Variants in KRABD3 observed in about 807,000 individuals in gnomAD.
The protein encoded by KRABD3 is KRAB domain-containing protein 3.
chr7:149,721,989 T>C, the KRABD3 span: 1 of 369,042 alleles, frequency 2.7e-6, no homozygotes, highest in Admixed American at 4.1e-5. Context: ...TCTGTTTTTA[T>C]AAAAAAGTAC....
At chr7:149,722,461 C>T in the KRABD3 span, 98 of 1,608,164 alleles carry the variant, frequency 6.1e-5, 4 homozygotes, top group South Asian at 1.0e-3. Context: ...AAGGAAGGCC[C>T]AGGAGCCCTG....
chr7:149,722,575 G>A, the KRABD3 span: 1 of 1,586,712 alleles, frequency 6.3e-7, no homozygotes, highest in South Asian at 1.1e-5. Context: ...GCTTTCCTTA[G>A]TGGGGTAGCG....
At chr7:149,733,477 C>T in the KRABD3 span, 4 of 1,579,694 alleles carry the variant, frequency 2.5e-6, no homozygotes, top group South Asian at 3.4e-5. Flanking sequence ...TGGGGAGGCG[C>T]CCCCAAGGCC....
chr7:149,733,988 G>A, the KRABD3 span: 1 of 1,610,234 alleles, frequency 6.2e-7, no homozygotes, highest in African/African-American at 1.3e-5. Context: ...AGTGCAGAGG[G>A]CCCTCCAGGA....
At chr7:149,726,073 A>T in the KRABD3 span, 3 of 1,603,600 alleles carry the variant, frequency 1.9e-6, no homozygotes, top group Non-Finnish European at 2.6e-6. Flanking sequence ...GAGCTGGGCC[A>T]GCCCGAGGCT....
At chr7:149,733,712 C>T in the KRABD3 span, 17 of 1,581,676 alleles carry the variant, frequency 1.1e-5, no homozygotes, top group Admixed American at 3.0e-4. Flanking sequence ...AGACGCTCCC[C>T]CGGCAGAACC....
chr7:149,722,907 G>T, the KRABD3 span: 2 of 1,613,228 alleles, frequency 1.2e-6, no homozygotes, highest in South Asian at 1.1e-5. Flanking sequence ...GCCTGGGCAC[G>T]TCCAGGCTAA....
At chr7:149,728,491 C>A in the KRABD3 span, 1 of 1,608,784 alleles carries the variant, frequency 6.2e-7, no homozygotes, top group Middle Eastern at 1.7e-4. Context: ...GAGCTACAGT[C>A]CCCCTCATCT....
the KRABD3 span, chr7:149,723,844 C>G: frequency 1.2e-6 from 2 of 1,613,758 alleles, no homozygotes. Flanking sequence ...AGTGGGGAAC[C>G]GACGGCTACA....
chr7:149,734,304 T>A, the KRABD3 span: 1 of 510,868 alleles, frequency 2.0e-6, no homozygotes, highest in African/African-American at 1.9e-5. Flanking sequence ...TCTCCTGTCT[T>A]TCCCACTGGA....
the KRABD3 span, chr7:149,720,823 G>A: frequency 6.4e-7 from 1 of 1,574,158 alleles, no homozygotes; most frequent in Non-Finnish European, 8.6e-7. Flanking sequence ...GGTCACTGTG[G>A]CCTCTCTGCA....
the KRABD3 span, chr7:149,730,388 C>A: frequency 1.3e-6 from 2 of 1,560,686 alleles, no homozygotes; most frequent in Non-Finnish European, 1.7e-6. Flanking sequence ...TGCCAGGGCG[C>A]CAGTCACCAC....
the KRABD3 span, chr7:149,723,604 C>T: frequency 3.5e-6 from 3 of 860,090 alleles, no homozygotes; most frequent in Admixed American, 2.8e-5. Flanking sequence ...TGGGAAGACT[C>T]AGCGAGCCAC....
the KRABD3 span, among the ~76,000 whole-genome samples, chr7:149,732,796 CT>C: frequency 6.6e-6 from 1 of 152,046 alleles, no homozygotes; most frequent in Non-Finnish European, 1.5e-5. The surrounding 1 kb of genome is among the most constrained non-coding windows in gnomAD (Gnocchi z 4.0). Context: ...CCTGGCCCTC[CT>C]GGCCCATCTC....
At chr7:149,728,921 T>C in the KRABD3 span, among the ~76,000 whole-genome samples, 6 of 152,180 alleles carry the variant, frequency 3.9e-5, no homozygotes, top group African/African-American at 1.4e-4. Flanking sequence ...TGTGGCTGGG[T>C]GTCCTTGTCC....
chr7:149,733,191 T>C, the KRABD3 span: 2 of 1,582,730 alleles, frequency 1.3e-6, no homozygotes, highest in Non-Finnish European at 1.7e-6. Flanking sequence ...TGACCGGTCC[T>C]TGCTCTGGTT....
At chr7:149,727,454 G>T in the KRABD3 span, among the ~76,000 whole-genome samples, 1 of 152,214 alleles carries the variant, frequency 6.6e-6, no homozygotes, top group Non-Finnish European at 1.5e-5. Flanking sequence ...GTTATGTAGG[G>T]AAAATGAAGC....
At chr7:149,723,955 C>A in the KRABD3 span, 2 of 1,535,078 alleles carry the variant, frequency 1.3e-6, no homozygotes, top group Admixed American at 1.9e-5. Flanking sequence ...CCAGGCAGGG[C>A]TGTAGGTGGC....
the KRABD3 span, chr7:149,725,324 C>T: frequency 6.3e-7 from 1 of 1,588,808 alleles, no homozygotes; most frequent in Admixed American, 1.7e-5. Flanking sequence ...GCTGCCAGTG[C>T]CTCAAGCTCA....
Sources: allele counts gnomAD v4.1 joint callset (sites outside exome capture counted in the v4.1 genomes callset), GRCh38; gene constraint gnomAD v4.1.1; non-coding constraint Gnocchi (gnomAD v3.1); transcripts MANE v1.5; gene names NCBI Gene and HGNC (gene_info 2026-07-23, HGNC 2026-07-21).